The following FAM210A variants were observed in gnomAD, a reference collection of about 807,000 sequenced individuals.
FAM210A encodes family with sequence similarity 210 member A.
Under a neutral mutation model 25.3 loss-of-function variants are expected in FAM210A, and 13 were observed. The observed-to-expected ratio is 0.51, with a 90% CI of 0.33 to 0.82. FAM210A has a LOEUF of 0.82. FAM210A is among the 40% of genes least tolerant of loss of function. FAM210A has a pLI of 0.02. For missense variants in FAM210A, 319 were observed against 323.2 expected (o/e 0.99, Z 0.10); for synonymous variants, 125 against 118.7 (o/e 1.05, Z -0.35).
At chr18:13,681,265 C>T (rs1267335368) in intron 2 of FAM210A, among the ~76,000 whole-genome samples, 1 of 152,140 alleles carries the variant, frequency 6.6e-6, no homozygotes, top group Non-Finnish European at 1.5e-5. Flanking sequence ...AGTCCAGGCA[C>T]CACTTCTTAG....
chr18:13,698,351 C>CAAAAAAAAA (rs11464991), intron 1 of FAM210A, among the ~76,000 whole-genome samples: 46 of 72,750 alleles, frequency 6.3e-4, no homozygotes, highest in East Asian at 2.8e-3. Flanking sequence ...GACTCCATCT[C>CAAAAAAAAA]AAAAAAAAAA....
intron 1 of FAM210A, among the ~76,000 whole-genome samples, chr18:13,692,408 T>C (rs146493608): frequency 0.041 from 6,257 of 152,246 alleles, 146 homozygotes; most frequent in Middle Eastern, 0.065. Context: ...ATGGACCTAA[T>C]AGACATCTAC....
chr18:13,673,687 C>T lies in FAM210A; in HGVS notation c.474-1714G>A, dbSNP rs192702674. ...TTCCTGATTATTAACATTCCTGAGC[C>T]GTGACTTATTTCCAGTTTCCTGATT... On this transcript the variant is annotated intron_variant, in intron 2 of 3. Coordinates refer to ENST00000651643, the MANE Select transcript of FAM210A (RefSeq NM_152352.4). Among the ~76,000 whole-genome samples the T allele has an allele frequency of 5.7e-4, 86 of 150,020 alleles. 1 individual carries two copies. The East Asian group carries it at 0.011, about 19-fold the overall frequency.
chr18:13,666,619 G>A lies in FAM210A; in HGVS notation c.680C>T (p.Pro227Leu), dbSNP rs1208030373. ...CCTGTCCTGCAGATACTCCTTGACGGGTGGCGGCGTGGACATGTAGCCATG... is the reference window on the plus strand; with the variant it reads ...CCTGTCCTGCAGATACTCCTTGACGAGTGGCGGCGTGGACATGTAGCCATG... ...RSHGYMSTPP[P>L]VKEYLQDRME... is the part of the protein sequence containing the mutation. Residue 227 changes from proline (P) to leucine (L), a missense_variant, in exon 4 of 4, where the codon CCC becomes CTC. By Grantham distance (98) the Pro-to-Leu change is moderately conservative (BLOSUM62 -3). Coordinates refer to ENST00000651643, the MANE Select transcript of FAM210A (RefSeq NM_152352.4). 6.2e-7 allele frequency: 1 copy of A among 1,614,100 alleles called. No individual in the cohort carries two copies. Among genetic ancestry groups the A allele is most frequent in the Admixed American group, 1.7e-5 (1 of 60,008 alleles).
rs1192964006 is a variant in FAM210A at position 13,665,763 on chromosome 18, T to G, written c.*717A>C. 6.6e-6 allele frequency: 1 copy of G among 152,114 alleles called. No individual in the cohort carries two copies. Among genetic ancestry groups the G allele is most frequent in the Non-Finnish European group, 1.5e-5 (1 of 68,002 alleles). 9.4% of individuals were successfully genotyped at this position (152,114 alleles called of 1,614,324 possible). On this transcript the variant is annotated 3_prime_UTR_variant, in exon 4 of 4. Transcript: ENST00000651643. ...AAATGATTCACAACAGAGGTTTATG[T>G]TTGAGGTGATCACCACTAATACACA...
chr18:13,706,052 T>A (rs2043775791), intron 1 of FAM210A, among the ~76,000 whole-genome samples: 1 of 152,220 alleles, frequency 6.6e-6, no homozygotes, highest in African/African-American at 2.4e-5. Flanking sequence ...AGACTGAATA[T>A]TCTGAGGACA....
At chr18:13,672,645 T>G (rs2043453273) in intron 2 of FAM210A, among the ~76,000 whole-genome samples, 1 of 152,158 alleles carries the variant, frequency 6.6e-6, no homozygotes, top group South Asian at 2.1e-4. Context: ...CCTGACCTCA[T>G]GATCTGCCCG....
intron 1 of FAM210A, among the ~76,000 whole-genome samples, chr18:13,707,070 G>A (rs1006228199): frequency 2.0e-5 from 3 of 152,138 alleles, no homozygotes; most frequent in East Asian, 1.9e-4. Context: ...TCTCTAAAAC[G>A]TCACATGGTC....
chr18:13,720,868 C>A (rs973190833), intron 1 of FAM210A, among the ~76,000 whole-genome samples: 1 of 152,110 alleles, frequency 6.6e-6, no homozygotes, highest in African/African-American at 2.4e-5. Flanking sequence ...CCCCCTTGCT[C>A]CTGATGGTTT....
chr18:13,703,854 T>C (rs754424044), intron 1 of FAM210A, among the ~76,000 whole-genome samples: 2 of 152,228 alleles, frequency 1.3e-5, no homozygotes, highest in Non-Finnish European at 2.9e-5. Flanking sequence ...TGGAAGGTTA[T>C]TGGTAAAATA....
chr18:13,678,527 C>A (rs548775746), intron 2 of FAM210A, among the ~76,000 whole-genome samples: 1 of 152,140 alleles, frequency 6.6e-6, no homozygotes, highest in Non-Finnish European at 1.5e-5. Flanking sequence ...TGACCTCAGA[C>A]GATCCGCCTG....
At chr18:13,705,989 G>T (rs1219401116) in intron 1 of FAM210A, among the ~76,000 whole-genome samples, 1 of 152,178 alleles carries the variant, frequency 6.6e-6, no homozygotes, top group Non-Finnish European at 1.5e-5. Context: ...ATGCCACAGT[G>T]TATTTTTATG....
intron 1 of FAM210A, among the ~76,000 whole-genome samples, chr18:13,705,328 A>T (rs757554276): frequency 6.6e-6 from 1 of 152,244 alleles, no homozygotes; most frequent in Non-Finnish European, 1.5e-5. Flanking sequence ...GCATGGACAC[A>T]TGGAGAACCA....
chr18:13,695,782 A>G (rs1256518453), intron 1 of FAM210A, among the ~76,000 whole-genome samples: 1 of 152,138 alleles, frequency 6.6e-6, no homozygotes, highest in Non-Finnish European at 1.5e-5. Flanking sequence ...TAATGGGTGC[A>G]GCACACCAAC....
intron 2 of FAM210A, among the ~76,000 whole-genome samples, chr18:13,676,565 T>C (rs1250367219): frequency 2.0e-5 from 3 of 152,252 alleles, no homozygotes; most frequent in African/African-American, 7.2e-5. Flanking sequence ...CTGTGACCCT[T>C]CGCCCCTAAA....
intron 1 of FAM210A, among the ~76,000 whole-genome samples, chr18:13,685,022 C>G (rs2043585045): frequency 6.6e-6 from 1 of 152,098 alleles, no homozygotes; most frequent in African/African-American, 2.4e-5. Flanking sequence ...AAAAATACAA[C>G]TTAACAAAAT....
intron 2 of FAM210A, 21 bp from the exon 3 acceptor site, chr18:13,671,994 T>G (rs1481247428): frequency 6.9e-7 from 1 of 1,449,378 alleles, no homozygotes; most frequent in East Asian, 2.3e-5. Flanking sequence ...AAAAAAGTAA[T>G]TTTCATATGT....
At chr18:13,688,495 C>T (rs1256419125) in intron 1 of FAM210A, among the ~76,000 whole-genome samples, 2 of 152,206 alleles carry the variant, frequency 1.3e-5, no homozygotes, top group East Asian at 3.9e-4. Flanking sequence ...CAGCCCCTTT[C>T]CAGCTCCTCT....
chr18:13,718,809 G>A lies in FAM210A; in HGVS notation c.-29+7520C>T, dbSNP rs553767695. ...AAATTATACATATATTTTACACCAA[G>A]TAAATCGCAATAGAACCTGTTTCAG... On this transcript the variant is annotated intron_variant, in intron 1 of 3. Transcript: ENST00000651643. 2.0e-5 allele frequency among the ~76,000 whole-genome samples: 3 copies of A among 152,202 alleles called. No individual in the cohort carries two copies. The South Asian group carries it at 6.2e-4, about 32-fold the overall frequency.
Sources: gnomAD v4.1 joint callset for allele counts (sites outside exome capture counted in the v4.1 genomes callset) on GRCh38, gnomAD v4.1.1 for gene constraint, MANE v1.5 for transcripts, NCBI Gene and HGNC (gene_info 2026-07-23, HGNC 2026-07-21) for gene names.